MUC17: variants seen among roughly 807,000 people sequenced by gnomAD.
MUC17 encodes the protein mucin-17.
In MUC17, 190 loss-of-function variants were observed where a neutral mutation model predicts 170.3. The ratio of observed to expected loss-of-function variants is 1.12; its 90% confidence interval spans 0.99 to 1.26. The LOEUF is 1.26. MUC17 is among the 50% of genes most tolerant of loss of function. The pLI, the probability that MUC17 is intolerant of heterozygous loss-of-function variation, is 0.00. For missense variants in MUC17, 6,415 were observed against 5,530.0 expected (o/e 1.16, Z -5.08); for synonymous variants, 2,325 against 2,002.5 (o/e 1.16, Z -4.30).
chr7:101,044,147 A>G (rs1186292541), intron 3 of MUC17, among the ~76,000 whole-genome samples: 1 of 152,136 alleles, frequency 6.6e-6, no homozygotes, highest in African/African-American at 2.4e-5. Flanking sequence ...AGCTTCATCC[A>G]TGTCCCTACA....
Position 101,034,513 on chromosome 7 carries a change from C to G in MUC17, c.3097C>G (p.Pro1033Ala), listed in dbSNP as rs750501239. 2 of 1,613,760 alleles carry G rather than the reference C, an allele frequency of 1.2e-6. No individual in the cohort carries two copies. The highest frequency in any genetic ancestry group is 1.7e-6 in the Non-Finnish European group (2 of 1,179,752). The change falls in exon 3 of 13, where the codon CCA (proline) becomes GCA (alanine). Residue 1033 changes from proline (P) to alanine (A), a missense_variant. Pro to Ala is a conservative substitution (Grantham distance 27). Coordinates refer to ENST00000306151, the MANE Select transcript of MUC17 (RefSeq NM_001040105.2). Reference protein sequence around the residue: ...PPPTAEGTSMPTSTPSEGSTP... With the variant: ...PPPTAEGTSMATSTPSEGSTP... ...TCCCACTGCTGAAGGTACCAGCATG[C>G]CAACCTCAACTCCTAGTGAAGGAAG...
rs1584859138 is a variant in MUC17 at position 101,032,877 on chromosome 7, T to G, written c.1461T>G (p.Thr487=). 1 of 1,613,908 alleles carries G rather than the reference T, an allele frequency of 6.2e-7. No homozygotes were observed. Among genetic ancestry groups the G allele is most frequent in the Middle Eastern group, 1.6e-4 (1 of 6,062 alleles). ...CCAAAACTCAGGTGACCACTTCTAC[T>G]GAAGCCAGTTCATCTCCTCCAACTG... The part of the protein sequence containing the change: ...VDSKTQVTTS[T]EASSSPPTAE... The change falls in exon 3 of 13, where the codon ACT becomes ACG. Residue 487 remains threonine, a synonymous_variant. Coordinates refer to ENST00000306151, the MANE Select transcript of MUC17 (RefSeq NM_001040105.2).
intron 11 of MUC17, among the ~76,000 whole-genome samples, chr7:101,054,735 A>T (rs552656327): frequency 6.6e-6 from 1 of 152,264 alleles, no homozygotes; most frequent in Non-Finnish European, 1.5e-5. Context: ...CAGGAGGATC[A>T]CTTGAGCCCA....
rs760479153 is a variant in MUC17, at chr7:101,043,395, A to C, written c.11979A>C (p.Thr3993=). 1.2e-6 allele frequency: 2 copies of C among 1,613,864 alleles called. No homozygotes were observed. Among genetic ancestry groups the C allele is most frequent in the Non-Finnish European group, 1.7e-6 (2 of 1,180,028 alleles). ...TSFSTTKEFT[T]PAMTTAAPLT... is the part of the protein sequence containing the mutation. ...TTTCAACTACTAAGGAATTTACAAC[A>C]CCCGCAATGACTACTGCAGCTCCCC... Residue 3993 remains threonine (T), a synonymous_variant, in exon 3 of 13, where the codon ACA becomes ACC. Transcript: ENST00000306151.
chr7:101,023,300 G>T (rs1794126917), intron 1 of MUC17, among the ~76,000 whole-genome samples: 1 of 152,196 alleles, frequency 6.6e-6, no homozygotes, highest in Admixed American at 6.5e-5. Context: ...TTAGGGTTCA[G>T]TTCAGCTCAC....
rs373142874 is a variant in MUC17, at chr7:101,039,991, G to T, written c.8575G>T (p.Val2859Leu). Residue 2859 changes from valine (V) to leucine (L), a missense_variant, in exon 3 of 13, where the codon GTG (valine) becomes TTG (leucine). By Grantham distance (32) the Val-to-Leu change is conservative. Transcript: ENST00000306151. ...SSPTTAEGIV[V>L]PISTASEGST... The stretch of plus-strand genomic sequence containing the variant: ...TCCTACAACTGCTGAAGGTATCGTC[G>T]TGCCAATCTCAACTGCTAGTGAAGG... The T allele has an allele frequency of 1.2e-6, 2 of 1,600,586 alleles. No homozygotes were observed. The highest frequency in any genetic ancestry group is 1.1e-5 in the South Asian group (1 of 90,182).
intron 1 of MUC17, among the ~76,000 whole-genome samples, chr7:101,026,801 A>G (rs1240051479): frequency 1.3e-5 from 2 of 152,100 alleles, no homozygotes; most frequent in Non-Finnish European, 2.9e-5. Context: ...GGCTGATCTC[A>G]AACTGTGGCC....
At chr7:101,054,531 AG>A (rs1795014431) in intron 11 of MUC17, among the ~76,000 whole-genome samples, 1 of 152,168 alleles carries the variant, frequency 6.6e-6, no homozygotes, top group African/African-American at 2.4e-5. Context: ...CAGGAAAGGG[AG>A]AAAAAGAAAA....
chr7:101,054,540 A>T (rs1322927805), intron 11 of MUC17, among the ~76,000 whole-genome samples: 1 of 152,182 alleles, frequency 6.6e-6, no homozygotes, highest in Admixed American at 6.5e-5. Context: ...GAGAAAAAGA[A>T]AAAGGAGGTG....
rs781552484 is a variant in MUC17 at position 101,039,445 on chromosome 7, G to A, written c.8029G>A (p.Ala2677Thr). The change falls in exon 3 of 13, where the codon GCT becomes ACT. Residue 2677 changes from alanine (A) to threonine (T), a missense_variant. Transcript: ENST00000306151. ...TGGAACCAGTTCATCTCCTACAACT[G>A]CTGAAGGTAGCAGCATGCCAACCTC... ...STGTSSSPTT[A>T]EGSSMPTSTP... is the part of the protein sequence containing the mutation. 2.5e-6 allele frequency: 4 copies of A among 1,611,006 alleles called. No individual in the cohort carries two copies. Among genetic ancestry groups the A allele is most frequent in the South Asian group, 2.2e-5 (2 of 90,718 alleles).
At position 101,033,568 on chromosome 7, in the gene MUC17, C is replaced by G; in HGVS notation, c.2152C>G (p.Pro718Ala). The change falls in exon 3 of 13, where the codon CCT becomes GCT. Residue 718 changes from proline (P) to alanine (A), a missense_variant. Pro to Ala is a conservative substitution (Grantham distance 27). Coordinates refer to ENST00000306151, the MANE Select transcript of MUC17 (RefSeq NM_001040105.2). ...LSTTPVDTSTPVTTSTEASSS... is the reference protein window; with the variant it reads ...LSTTPVDTSTAVTTSTEASSS... Reference sequence around the variant, plus strand: ...AACAACTCCTGTTGACACCAGCACACCTGTGACCACTTCAACTGAAGCCAG... The same window carrying G: ...AACAACTCCTGTTGACACCAGCACAGCTGTGACCACTTCAACTGAAGCCAG... 2 of 1,614,016 alleles carry G rather than the reference C, an allele frequency of 1.2e-6. No homozygotes were observed. Among genetic ancestry groups the G allele is most frequent in the Non-Finnish European group, 8.5e-7 (1 of 1,180,000 alleles).
chr7:101,035,089 C>G lies in MUC17; in HGVS notation c.3673C>G (p.Pro1225Ala). 6.2e-7 allele frequency: 1 copy of G among 1,612,308 alleles called. No individual in the cohort carries two copies. Among genetic ancestry groups the G allele is most frequent in the Non-Finnish European group, 8.5e-7 (1 of 1,179,250 alleles). ...AAGAAGCACTCCATTAACAAGTATG[C>G]CTGTCAGACACACGCCAGTGGCCAG... ...GERSTPLTSM[P>A]VRHTPVASSE... The change falls in exon 3 of 13, where the codon CCT (proline) becomes GCT (alanine). Residue 1225 changes from proline to alanine, a missense_variant. Physicochemically the swap from Pro to Ala is conservative, Grantham distance 27 (BLOSUM62 -1). Transcript: ENST00000306151.
intron 1 of MUC17, among the ~76,000 whole-genome samples, chr7:101,023,065 G>A (rs771545599): frequency 2.0e-5 from 3 of 152,026 alleles, no homozygotes; most frequent in East Asian, 1.9e-4. Flanking sequence ...CTCTGAAGTC[G>A]CCAGGGAAGG....
chr7:101,051,364 C>CAA (rs398005597), intron 7 of MUC17, among the ~76,000 whole-genome samples: 546 of 51,282 alleles, frequency 0.011, 5 homozygotes, highest in East Asian at 0.021. Context: ...TACTCCATCT[C>CAA]AAAAAAAAAA....
intron 3 of MUC17, among the ~76,000 whole-genome samples, chr7:101,044,121 C>T (rs1794792406): frequency 6.6e-6 from 1 of 152,086 alleles, no homozygotes; most frequent in African/African-American, 2.4e-5. Context: ...ATAGTTTGCT[C>T]AGAATGATGG....
In MUC17 at chr7:101,053,343, A is replaced by C. The variant is rs1484779662; in HGVS notation, c.13270A>C (p.Lys4424Gln). The change falls in exon 11 of 13, where the codon AAG becomes CAG. Residue 4424 changes from lysine to glutamine, a missense_variant. Physicochemically the swap from Lys to Gln is moderately conservative, Grantham distance 53. Coordinates refer to ENST00000306151, the MANE Select transcript of MUC17 (RefSeq NM_001040105.2). ...FRSKREVKRQKYRLSQLYKWQ... is the reference protein window; with the variant it reads ...FRSKREVKRQQYRLSQLYKWQ... ...CTCTGATGTTTCCATCACTAGGCAA[A>C]AGTACAGATTGTCTCAGTTATACAA... The C allele has an allele frequency of 6.2e-7, 1 of 1,613,886 alleles. No homozygotes were observed. Among genetic ancestry groups the C allele is most frequent in the Admixed American group, 1.7e-5 (1 of 60,000 alleles).
At position 101,039,572 on chromosome 7, in the gene MUC17, C is replaced by T; in HGVS notation, c.8156C>T (p.Thr2719Ile). ...ASTLSTTPVD[T>I]STPVTTSAEA... is the part of the protein sequence containing the mutation. ...ACCCTTTCAACAACTCCTGTTGACACCAGCACACCTGTCACCACTTCTGCT... is the reference window on the plus strand; with the variant it reads ...ACCCTTTCAACAACTCCTGTTGACATCAGCACACCTGTCACCACTTCTGCT... Residue 2719 changes from threonine to isoleucine, a missense_variant, in exon 3 of 13, where the codon ACC (threonine) becomes ATC (isoleucine). Thr to Ile is a moderately conservative substitution (Grantham distance 89). Transcript: ENST00000306151. 4 of 1,612,618 alleles carry T rather than the reference C, an allele frequency of 2.5e-6. No homozygotes were observed. Among genetic ancestry groups the T allele is most frequent in the Non-Finnish European group, 3.4e-6 (4 of 1,179,136 alleles).
Position 101,039,805 on chromosome 7 carries a change from G to C in MUC17, c.8389G>C (p.Val2797Leu). The part of the protein sequence containing the change: ...EASSSPTTAE[V>L]TSMPTSTPSE... The stretch of plus-strand genomic sequence containing the variant: ...CAGTTCCTCTCCTACAACTGCTGAA[G>C]TTACCAGCATGCCAACCTCAACTCC... Residue 2797 changes from valine to leucine, a missense_variant, in exon 3 of 13, where the codon GTT becomes CTT. Transcript: ENST00000306151. The C allele has an allele frequency of 6.2e-7, 1 of 1,608,988 alleles. No homozygotes were observed. The highest frequency in any genetic ancestry group is 1.1e-5 in the South Asian group (1 of 90,954).
chr7:101,039,524 T>A lies in MUC17; in HGVS notation c.8108T>A (p.Leu2703Gln). ...ACAAATATACTTGTCAGCACCACGC[T>A]GTTGGCCAATTCTGAGGCTAGCACC... ...PLTNILVSTT[L>Q]LANSEASTLS... The change falls in exon 3 of 13, where the codon CTG becomes CAG. Residue 2703 changes from leucine (L) to glutamine (Q), a missense_variant. Leu to Gln is a moderately radical substitution (Grantham distance 113). Coordinates refer to ENST00000306151, the MANE Select transcript of MUC17 (RefSeq NM_001040105.2). 1 of 1,592,724 alleles carries A rather than the reference T, an allele frequency of 6.3e-7. No homozygotes were observed. Among genetic ancestry groups the A allele is most frequent in the Non-Finnish European group, 8.5e-7 (1 of 1,170,754 alleles).
Sources: allele counts gnomAD v4.1 joint callset (sites outside exome capture counted in the v4.1 genomes callset), GRCh38; gene constraint gnomAD v4.1.1; transcripts MANE v1.5; gene names NCBI Gene and HGNC (gene_info 2026-07-23, HGNC 2026-07-21).